The following PLXNA4 variants were observed in gnomAD, a reference collection of about 807,000 sequenced individuals.
PLXNA4 encodes plexin A4.
Under a neutral mutation model 191.8 loss-of-function variants are expected in PLXNA4, and 44 were observed. The observed-to-expected ratio is 0.23, with a 90% CI of 0.18 to 0.29. The LOEUF is 0.29. Ranked by LOEUF, PLXNA4 falls within the 10% of genes least tolerant of loss-of-function variation. The pLI is 1.00. For missense variants in PLXNA4, 1,800 were observed against 2,488.8 expected, an observed-to-expected ratio of 0.72 and a Z score of 5.89; for synonymous variants, 1,082 against 1,009.5, an observed-to-expected ratio of 1.07 and a Z score of -1.36.
At chr7:132,564,012 C>T (rs1448149888) in intron 1 of PLXNA4, among the ~76,000 whole-genome samples, 4 of 70,064 alleles carry the variant, frequency 5.7e-5, no homozygotes, top group African/African-American at 2.3e-4. Context: ...TCCTCCTTCT[C>T]CTCCTCCTTC....
intron 3 of PLXNA4, among the ~76,000 whole-genome samples, chr7:132,303,088 G>T (rs1300862431): frequency 6.6e-6 from 1 of 151,590 alleles, no homozygotes; most frequent in East Asian, 2.0e-4. Flanking sequence ...TATTTGCCAG[G>T]CTGGTCTCAA....
chr7:132,450,267 C>T (rs1796071332), intron 3 of PLXNA4, among the ~76,000 whole-genome samples: 1 of 152,128 alleles, frequency 6.6e-6, no homozygotes, highest in African/African-American at 2.4e-5. Context: ...CAGAAGCAAC[C>T]ACATCAAAAC....
At chr7:132,557,473 G>A (rs1294475249) in intron 1 of PLXNA4, among the ~76,000 whole-genome samples, 1 of 151,708 alleles carries the variant, frequency 6.6e-6, no homozygotes, top group Non-Finnish European at 1.5e-5. Flanking sequence ...CGTAAAGATA[G>A]GCAATCAATT....
In PLXNA4 at chr7:132,203,368, C is replaced by A; in HGVS notation, c.2350G>T (p.Val784Leu). The A allele has an allele frequency of 6.2e-7, 1 of 1,614,160 alleles. No individual in the cohort carries two copies. Among genetic ancestry groups the A allele is most frequent in the Non-Finnish European group, 8.5e-7 (1 of 1,180,028 alleles). ...TCAATGTTGAAGTGCCCATTCCACA[C>A]GACTGTCAACTCCACGGGCAGGTTG... ...INNLPVELTV[V>L]WNGHFNIDNP... The change falls in exon 11 of 32, where the codon GTG becomes TTG. Residue 784 changes from valine (V) to leucine (L), a missense_variant. By Grantham distance (32) the Val-to-Leu change is conservative. Transcript: ENST00000321063.
chr7:132,536,107 G>A (rs1799821428), intron 1 of PLXNA4, among the ~76,000 whole-genome samples: 1 of 152,170 alleles, frequency 6.6e-6, no homozygotes, highest in Non-Finnish European at 1.5e-5. Flanking sequence ...GGACCCTCGT[G>A]CATAAAATGG....
intron 3 of PLXNA4, among the ~76,000 whole-genome samples, chr7:132,362,035 C>A (rs1210017504): frequency 6.6e-6 from 1 of 152,158 alleles, no homozygotes; most frequent in African/African-American, 2.4e-5. Context: ...CAAATGAAAA[C>A]CTGCAGCATG....
At chr7:132,518,420 A>T (rs1455831414) in intron 1 of PLXNA4, among the ~76,000 whole-genome samples, 1 of 152,236 alleles carries the variant, frequency 6.6e-6, no homozygotes, top group Non-Finnish European at 1.5e-5. Flanking sequence ...TCCAGAAAGC[A>T]GCAGTCCAGC....
intron 1 of PLXNA4, among the ~76,000 whole-genome samples, chr7:132,523,518 G>T (rs956854876): frequency 1.3e-5 from 2 of 152,254 alleles, no homozygotes; most frequent in Non-Finnish European, 2.9e-5. Context: ...CGGAAGGATG[G>T]GTGATGGGGT....
chr7:132,152,180 A>G (rs1428527957), intron 25 of PLXNA4, among the ~76,000 whole-genome samples: 1 of 152,238 alleles, frequency 6.6e-6, no homozygotes, highest in Non-Finnish European at 1.5e-5. Flanking sequence ...AGGGGCCAGG[A>G]AAAGCCAAGG....
intron 3 of PLXNA4, among the ~76,000 whole-genome samples, chr7:132,386,884 C>T (rs1805170651): frequency 6.6e-6 from 1 of 152,180 alleles, no homozygotes; most frequent in South Asian, 2.1e-4. Flanking sequence ...TAGGCCAGAG[C>T]TTCTCAAATT....
chr7:132,165,148 A>G lies in PLXNA4; in HGVS notation c.4339T>C (p.Tyr1447His), dbSNP rs2116651417. The G allele has an allele frequency of 6.2e-7, 1 of 1,613,384 alleles. No homozygotes were observed. Among genetic ancestry groups the G allele is most frequent in the East Asian group, 2.2e-5 (1 of 44,842 alleles). ...MLTNWFTFLLYKFLKECAGEP... is the reference protein window; with the variant it reads ...MLTNWFTFLLHKFLKECAGEP... ...TCCAACCCTACCTTGAGGAACTTGT[A>G]GAGGAGGAAAGTAAACCAATTGGTC... The change falls in exon 23 of 32, where the codon TAC becomes CAC. Residue 1447 changes from tyrosine to histidine, a missense_variant. By Grantham distance (83) the Tyr-to-His change is moderately conservative. Around this residue, in one of 6 missense-constraint regions of PLXNA4, gnomAD observed 214 missense variants for 298.2 expected, o/e 0.72. Transcript: ENST00000321063.
chr7:132,334,832 G>C (rs1473377710), intron 3 of PLXNA4, among the ~76,000 whole-genome samples: 1 of 152,150 alleles, frequency 6.6e-6, no homozygotes, highest in Non-Finnish European at 1.5e-5. Flanking sequence ...CATCGGCATT[G>C]AATGGCGCCA....
At chr7:132,569,925 C>T (rs1801897012) in intron 1 of PLXNA4, among the ~76,000 whole-genome samples, 1 of 152,152 alleles carries the variant, frequency 6.6e-6, no homozygotes, top group Non-Finnish European at 1.5e-5. Context: ...TGCAAAGGTT[C>T]AGTGGAAATT....
chr7:132,577,780 A>G (rs2116806326), upstream of PLXNA4, among the ~76,000 whole-genome samples: 1 of 152,262 alleles, frequency 6.6e-6, no homozygotes, highest in East Asian at 1.9e-4. Flanking sequence ...AGGGACCCTC[A>G]GGTGCTCAGA....
At chr7:132,188,577 A>G (rs1388371687) in intron 14 of PLXNA4, among the ~76,000 whole-genome samples, 1 of 152,048 alleles carries the variant, frequency 6.6e-6, no homozygotes, top group Non-Finnish European at 1.5e-5. Context: ...ATCAGGGCAC[A>G]TGGGTGAGGA....
In PLXNA4 at chr7:132,576,103, C is replaced by T. The variant is rs1802214782; in HGVS notation, c.-87+319G>A. ...TCCCTCAACCTCCCCGGGTGGGAGGCAGAGCCGGGAATACACAGAATCCCA... is the reference window on the plus strand; with the variant it reads ...TCCCTCAACCTCCCCGGGTGGGAGGTAGAGCCGGGAATACACAGAATCCCA... On this transcript the variant is annotated intron_variant, in intron 1 of 31. Coordinates refer to ENST00000321063, the MANE Select transcript of PLXNA4 (RefSeq NM_020911.2). This position sits in a 1 kb window ranked among gnomAD's most constrained non-coding sequence, Gnocchi z 5.8. 6.6e-6 allele frequency among the ~76,000 whole-genome samples: 1 copy of T among 152,200 alleles called. No homozygotes were observed. The highest frequency in any genetic ancestry group is 1.5e-5 in the Non-Finnish European group (1 of 68,032).
intron 2 of PLXNA4, among the ~76,000 whole-genome samples, chr7:132,605,834 G>T (rs183697588): frequency 2.0e-5 from 3 of 152,238 alleles, no homozygotes; most frequent in Admixed American, 1.3e-4. Flanking sequence ...CCCACAGGAA[G>T]AACATCATGT....
intron 3 of PLXNA4, among the ~76,000 whole-genome samples, chr7:132,466,302 G>T (rs1054513687): frequency 3.3e-5 from 5 of 152,188 alleles, no homozygotes; most frequent in Non-Finnish European, 4.4e-5. Flanking sequence ...AGCCCAACAG[G>T]GCATGATGAG....
At chr7:132,149,720 A>G (rs908478660) in intron 25 of PLXNA4, among the ~76,000 whole-genome samples, 1 of 152,168 alleles carries the variant, frequency 6.6e-6, no homozygotes, top group Non-Finnish European at 1.5e-5. Context: ...GGGCTCGTTC[A>G]GAGTGTCGTT....
Sources: allele counts gnomAD v4.1 joint callset (sites outside exome capture counted in the v4.1 genomes callset), GRCh38; gene constraint gnomAD v4.1.1; regional missense constraint gnomAD v4.1.1; non-coding constraint Gnocchi (gnomAD v3.1); transcripts MANE v1.5; gene names NCBI Gene and HGNC (gene_info 2026-07-23, HGNC 2026-07-21).